VAV1: variants seen among roughly 807,000 people sequenced by gnomAD.
VAV1 encodes the protein proto-oncogene vav.
VAV1 carries 33 observed loss-of-function variants against 128.1 expected under a neutral mutation model. The observed-to-expected ratio is 0.26, with a 90% confidence interval of 0.20 to 0.34. The LOEUF is 0.34. VAV1 is among the 10% of genes least tolerant of loss of function. The pLI is 1.00. For synonymous variants in VAV1, 394 were observed against 409.8 expected (o/e 0.96, Z 0.47); for missense variants, 715 against 1,093.7 (o/e 0.65, Z 4.88).
rs201843981 is a variant in VAV1 at position 6,832,560 on chromosome 19, T to C, written c.1508+360T>C. Among the ~76,000 whole-genome samples the C allele has an allele frequency of 7.6e-4, 60 of 79,392 alleles. 1 individual carries two copies. Among genetic ancestry groups the C allele is most frequent in the South Asian group, 2.3e-3 (4 of 1,704 alleles). 52.1% of individuals were successfully genotyped at this position (79,392 alleles called of 152,430 possible). A position where few individuals can be genotyped will look rare whatever the true frequency, so the allele number is the denominator to read the frequency against. ...CTTCCTCTTCTTCTTCCTCCTCCTC[T>C]CCTTCCTCCCCTTCCTCCTCCTCGC... On this transcript the variant is annotated intron_variant, in intron 15 of 26. Transcript: ENST00000602142.
At chr19:6,850,831 C>A in intron 24 of VAV1, 74 bp downstream of exon 24, 1 of 1,480,824 alleles carries the variant, frequency 6.8e-7, no homozygotes, top group Non-Finnish European at 9.4e-7. Context: ...CGCCTTGGGA[C>A]CCCCTTTTCC....
In VAV1 at chr19:6,822,568, C is replaced by A; in HGVS notation, c.654+54C>A. The A allele has an allele frequency of 6.7e-7, 1 of 1,498,516 alleles. No individual in the cohort carries two copies. The highest frequency in any genetic ancestry group is 9.0e-7 in the Non-Finnish European group (1 of 1,111,850). 92.8% of individuals were successfully genotyped at this position (1,498,516 alleles called of 1,614,324 possible). On this transcript the variant is annotated intron_variant, in intron 6 of 26. Transcript: ENST00000602142. This position sits in a 1 kb window ranked among gnomAD's most constrained non-coding sequence, Gnocchi z 5.9. ...GGCGCATGCGCGGGAGCTGGGCCGG[C>A]AGGTGCACGTCCACCTGTCCGGCCG...
At position 6,772,811 on chromosome 19, in the gene VAV1, G is replaced by C. The variant is rs1358155015; in HGVS notation, c.4G>C (p.Glu2Gln). The C allele has an allele frequency of 6.2e-7, 1 of 1,613,288 alleles. No homozygotes were observed. Among genetic ancestry groups the C allele is most frequent in the Non-Finnish European group, 8.5e-7 (1 of 1,179,774 alleles). M[E>Q]LWRQCTHWLI... The stretch of plus-strand genomic sequence containing the variant: ...CGGCCCTGGGCAGGCGGTAGCCATG[G>C]AGCTGTGGCGCCAATGCACCCACTG... The change falls in exon 1 of 27, where the codon GAG becomes CAG. Residue 2 changes from glutamate (E) to glutamine (Q), a missense_variant. Physicochemically the swap from Glu to Gln is conservative, Grantham distance 29 (BLOSUM62 2). Transcript: ENST00000602142. The surrounding 1 kb of genome is among the most constrained non-coding windows in gnomAD (Gnocchi z 4.8).
intron 24 of VAV1, 46 bp from the exon 25 acceptor site, chr19:6,852,919 G>A (rs1972704223): frequency 1.3e-6 from 2 of 1,533,174 alleles, no homozygotes; most frequent in African/African-American, 1.4e-5. Flanking sequence ...GCCCCCTTAT[G>A]GGCTGGCCCG....
intron 1 of VAV1, among the ~76,000 whole-genome samples, chr19:6,783,748 G>A (rs374333726): frequency 2.0e-5 from 3 of 152,034 alleles, no homozygotes; most frequent in East Asian, 3.9e-4. Context: ...GATTACAGGC[G>A]TGAGCCACCA....
At chr19:6,853,653 C>T (rs531653951) in intron 25 of VAV1, among the ~76,000 whole-genome samples, 2 of 151,680 alleles carry the variant, frequency 1.3e-5, no homozygotes, top group Non-Finnish European at 2.9e-5. Context: ...ATCACTTGAA[C>T]CCAGGAGGCA....
chr19:6,779,012 G>A (rs1970704747), intron 1 of VAV1, among the ~76,000 whole-genome samples: 1 of 147,884 alleles, frequency 6.8e-6, no homozygotes, highest in Non-Finnish European at 1.5e-5. Flanking sequence ...GAGTAGCTGG[G>A]ACTACAGGTG....
chr19:6,854,185 A>C (rs1972736886), intron 26 of VAV1, 87 bp downstream of exon 26: 7 of 1,524,318 alleles, frequency 4.6e-6, no homozygotes, highest in Non-Finnish European at 5.3e-6. Context: ...GGAGAAGGTG[A>C]GGTGCGGCTC....
At chr19:6,848,165 G>T in intron 23 of VAV1, 51 bp downstream of exon 23, 1 of 1,490,696 alleles carries the variant, frequency 6.7e-7, no homozygotes, top group Non-Finnish European at 8.9e-7. Flanking sequence ...GGCCCTGCGG[G>T]CCTGGGAAAA....
Position 6,833,638 on chromosome 19 carries a change from G to A in VAV1, c.1708+13G>A, listed in dbSNP as rs1972146640. 1 of 1,613,934 alleles carries A rather than the reference G, an allele frequency of 6.2e-7. No individual in the cohort carries two copies. The highest frequency in any genetic ancestry group is 1.7e-5 in the Admixed American group (1 of 59,990). Reference sequence around the variant, plus strand: ...CGACATGGGCAAGGTACGAGTGGGAGGGAGGCTGGGAGGTGAGCTTGGTTC... The same window carrying A: ...CGACATGGGCAAGGTACGAGTGGGAAGGAGGCTGGGAGGTGAGCTTGGTTC... On this transcript the variant is annotated intron_variant, in intron 17 of 26. Coordinates refer to ENST00000602142, the MANE Select transcript of VAV1 (RefSeq NM_005428.4).
intron 1 of VAV1, among the ~76,000 whole-genome samples, chr19:6,817,788 A>G (rs1971688090): frequency 6.6e-6 from 1 of 151,482 alleles, no homozygotes; most frequent in Non-Finnish European, 1.5e-5. Flanking sequence ...CTGGGCTCCA[A>G]CAATCCTCCT....
rs540074087 is a variant in VAV1, at chr19:6,814,671, C to CTTTCCTTCTTT, written c.205-6031_205-6030insTTTCCTTCTTT. On this transcript the variant is annotated intron_variant, in intron 1 of 26. Transcript: ENST00000602142. ...TCCTTCCTTCCTTCCTTCCTTCCTT[C>CTTTCCTTCTTT]CTTTCTTTCTTTCTTTCTTTCTTTC... is the stretch of plus-strand genomic sequence containing the variant. Among the ~76,000 whole-genome samples the CTTTCCTTCTTT allele has an allele frequency of 7.0e-4, 18 of 25,796 alleles. 2 individuals are homozygous for CTTTCCTTCTTT. The highest frequency in any genetic ancestry group is 1.1e-3 in the Non-Finnish European group (15 of 14,138). The allele number at this position is 25,796 out of a possible 152,430, so 16.9% of individuals were successfully genotyped here. A position where few individuals can be genotyped will look rare whatever the true frequency, so the allele number is the denominator to read the frequency against.
intron 23 of VAV1, among the ~76,000 whole-genome samples, chr19:6,850,354 T>G (rs1391191641): frequency 6.7e-6 from 1 of 148,886 alleles, no homozygotes; most frequent in Non-Finnish European, 1.5e-5. Context: ...TTCCTTTATA[T>G]CCTATGGTTG....
chr19:6,849,130 G>A (rs1972602187), intron 23 of VAV1, among the ~76,000 whole-genome samples: 1 of 151,310 alleles, frequency 6.6e-6, no homozygotes, highest in Non-Finnish European at 1.5e-5. Context: ...GAGGGCACAT[G>A]TGCAGGTTTG....
chr19:6,828,368 C>A lies in VAV1; in HGVS notation c.1024-51C>A. On this transcript the variant is annotated intron_variant, in intron 10 of 26. Coordinates refer to ENST00000602142, the MANE Select transcript of VAV1 (RefSeq NM_005428.4). This position sits in a 1 kb window ranked among gnomAD's most constrained non-coding sequence, Gnocchi z 4.5. ...AGCATTGTTTGGAAGGCCCTCCCCG[C>A]AGGGAGAAGGGGAGGGGCCCAGGTG... 1 of 1,601,618 alleles carries A rather than the reference C, an allele frequency of 6.2e-7. No homozygotes were observed.
Position 6,828,307 on chromosome 19 carries a change from C to T in VAV1, c.1024-112C>T, listed in dbSNP as rs1295814500. 1.3e-6 allele frequency: 2 copies of T among 1,533,488 alleles called. No individual in the cohort carries two copies. The allele number at this position is 1,533,488 out of a possible 1,614,324, so 95.0% of individuals were successfully genotyped here. A position where few individuals can be genotyped will look rare whatever the true frequency, so the allele number is the denominator to read the frequency against. On this transcript the variant is annotated intron_variant, in intron 10 of 26. Transcript: ENST00000602142. This position sits in a 1 kb window ranked among gnomAD's most constrained non-coding sequence, Gnocchi z 4.5. ...GGTCACTGGGGTCATGTCTCAGCCTCCAGGGTCAGCAGTACGATGGAGGAG... is the reference window on the plus strand; with the variant it reads ...GGTCACTGGGGTCATGTCTCAGCCTTCAGGGTCAGCAGTACGATGGAGGAG...
In VAV1 at chr19:6,826,618, C is replaced by T. The variant is rs748216879; in HGVS notation, c.834C>T (p.Leu278=). ...GCCTGTCTTCTCCCTGTAGGTTCCTCGTCTATGGCCGCTACTGCAGCCAGG... is the reference window on the plus strand; with the variant it reads ...GCCTGTCTTCTCCCTGTAGGTTCCTTGTCTATGGCCGCTACTGCAGCCAGG... ...QVFIKYKERF[L]VYGRYCSQVE... The change falls in exon 9 of 27, where the codon CTC becomes CTT. Residue 278 remains leucine, a synonymous_variant. Transcript: ENST00000602142. The surrounding 1 kb of genome is among the most constrained non-coding windows in gnomAD (Gnocchi z 4.1). 49 of 1,553,362 alleles carry T rather than the reference C, an allele frequency of 3.2e-5. No homozygotes were observed. Among genetic ancestry groups the T allele is most frequent in the African/African-American group, 4.1e-5 (3 of 73,188 alleles).
At position 6,774,229 on chromosome 19, in the gene VAV1, G is replaced by A. The variant is rs144148828; in HGVS notation, c.204+1218G>A. Among the ~76,000 whole-genome samples, 227 of 152,120 alleles carry A rather than the reference G, an allele frequency of 1.5e-3. 5 individuals carry two copies. The East Asian group carries it at 0.041, about 28-fold the overall frequency. ...TGCAAGCTCCGCCTCCCAGGTTCAC[G>A]TCATTCTCCTGCCTCAGCCTCCCGA... On this transcript the variant is annotated intron_variant, in intron 1 of 26. Transcript: ENST00000602142.
chr19:6,782,089 G>A (rs758179776), intron 1 of VAV1, among the ~76,000 whole-genome samples: 16 of 152,052 alleles, frequency 1.1e-4, no homozygotes, highest in Non-Finnish European at 1.9e-4. Context: ...CCAGCACTTC[G>A]GGAGGCTGAG....
Sources: gnomAD v4.1 joint callset for allele counts (sites outside exome capture counted in the v4.1 genomes callset) on GRCh38, gnomAD v4.1.1 for gene constraint, Gnocchi (gnomAD v3.1) non-coding constraint, MANE v1.5 for transcripts, NCBI Gene and HGNC (gene_info 2026-07-23, HGNC 2026-07-21) for gene names.